The following PTPRK variants were observed in gnomAD, a reference collection of about 807,000 sequenced individuals.
The protein encoded by PTPRK is receptor-type tyrosine-protein phosphatase kappa.
PTPRK carries 75 observed loss-of-function variants against 178.0 expected under a neutral mutation model. The observed-to-expected ratio is 0.42, with a 90% CI of 0.35 to 0.51. The LOEUF is 0.51. Among genes scored for constraint, PTPRK ranks in the 20% least tolerant of loss-of-function variants. The pLI is 0.02. For synonymous variants in PTPRK, 637 were observed against 620.6 expected (o/e 1.03, Z -0.39); for missense variants, 1,441 against 1,797.8 (o/e 0.80, Z 3.59).
At chr6:128,081,312 CTTTAA>C (rs1054350607) in intron 10 of PTPRK, among the ~76,000 whole-genome samples, 1 of 151,836 alleles carries the variant, frequency 6.6e-6, no homozygotes, top group African/African-American at 2.4e-5. Flanking sequence ...ATGGATGATA[CTTTAA>C]TTTTTTATTG....
At chr6:127,991,531 T>G (rs1220799559) in intron 19 of PTPRK, 140 bp from the exon 20 acceptor site, 2 of 507,538 alleles carry the variant, frequency 3.9e-6, no homozygotes, top group African/African-American at 4.0e-5. Context: ...ATACTTAAAT[T>G]CAGTTCATAT....
intron 1 of PTPRK, among the ~76,000 whole-genome samples, chr6:128,398,814 T>G (rs1840669959): frequency 6.6e-6 from 1 of 152,198 alleles, no homozygotes; most frequent in East Asian, 1.9e-4. Context: ...AATAACTTGG[T>G]CTTTTTAAAC....
intron 1 of PTPRK, among the ~76,000 whole-genome samples, chr6:128,513,493 AAAAGAAAGAAAG>A (rs562818808): frequency 6.7e-6 from 1 of 150,244 alleles, no homozygotes; most frequent in Non-Finnish European, 1.5e-5. Context: ...CAAAAAAAAA[AAAAGAAAGAAAG>A]AAAGAAAGAA....
At chr6:128,260,385 G>A (rs771612413) in intron 3 of PTPRK, among the ~76,000 whole-genome samples, 22 of 152,040 alleles carry the variant, frequency 1.4e-4, no homozygotes, top group Admixed American at 1.4e-3. Flanking sequence ...AAAAGATGAC[G>A]GCATTAACCC....
intron 6 of PTPRK, among the ~76,000 whole-genome samples, chr6:128,206,997 C>T (rs1325252520): frequency 6.6e-6 from 1 of 152,140 alleles, no homozygotes; most frequent in African/African-American, 2.4e-5. Flanking sequence ...ATGCTACTTG[C>T]TTCCTTCACA....
intron 1 of PTPRK, among the ~76,000 whole-genome samples, chr6:128,512,729 A>C (rs1324424671): frequency 6.6e-6 from 1 of 152,210 alleles, no homozygotes; most frequent in Non-Finnish European, 1.5e-5. Context: ...CTCTTGAGAA[A>C]ACTGACAAGA....
chr6:128,185,891 G>A (rs907990748), intron 6 of PTPRK, among the ~76,000 whole-genome samples: 1 of 152,072 alleles, frequency 6.6e-6, no homozygotes, highest in African/African-American at 2.4e-5. Context: ...CTGTAGACAG[G>A]TTTTACCTTC....
chr6:128,509,019 C>A (rs145243081), intron 1 of PTPRK, among the ~76,000 whole-genome samples: 20 of 152,028 alleles, frequency 1.3e-4, no homozygotes, highest in African/African-American at 4.6e-4. Flanking sequence ...AAATTACACA[C>A]CCTTCTGAGT....
chr6:128,165,947 T>A (rs900153175), intron 7 of PTPRK, among the ~76,000 whole-genome samples: 3 of 151,660 alleles, frequency 2.0e-5, no homozygotes, highest in African/African-American at 2.4e-5. Flanking sequence ...ATCAAAATTC[T>A]GCATGACAGA....
chr6:128,033,454 G>C (rs898938627), intron 13 of PTPRK, among the ~76,000 whole-genome samples: 1 of 152,198 alleles, frequency 6.6e-6, no homozygotes, highest in African/African-American at 2.4e-5. Context: ...GAGGATTTTA[G>C]AACAGCATAT....
chr6:128,101,897 G>C (rs1448333696), intron 7 of PTPRK, among the ~76,000 whole-genome samples: 1 of 152,088 alleles, frequency 6.6e-6, no homozygotes, highest in Non-Finnish European at 1.5e-5. Flanking sequence ...ATGTAGAGTT[G>C]GAATATACTA....
At chr6:127,993,855 G>A (rs991238792) in intron 18 of PTPRK, among the ~76,000 whole-genome samples, 1 of 151,556 alleles carries the variant, frequency 6.6e-6, no homozygotes, top group African/African-American at 2.4e-5. Context: ...ATACACTGGG[G>A]TCTTAACAGA....
intron 7 of PTPRK, among the ~76,000 whole-genome samples, chr6:128,177,922 T>C (rs1801323247): frequency 6.6e-6 from 1 of 151,824 alleles, no homozygotes; most frequent in African/African-American, 2.4e-5. Flanking sequence ...TGATGATATA[T>C]ATTAGAATAT....
chr6:128,007,905 T>G, intron 14 of PTPRK: 1 of 471,268 alleles, frequency 2.1e-6, no homozygotes, highest in South Asian at 1.8e-5. Flanking sequence ...TACTGGCAAA[T>G]TTTTATTGCT....
intron 1 of PTPRK, among the ~76,000 whole-genome samples, chr6:128,478,217 A>G (rs1015838020): frequency 6.6e-6 from 1 of 152,126 alleles, no homozygotes; most frequent in African/African-American, 2.4e-5. Flanking sequence ...GGACTCCTTC[A>G]TGCCTTACTT....
chr6:128,314,259 CT>C (rs1827685256), intron 3 of PTPRK, among the ~76,000 whole-genome samples: 1 of 152,092 alleles, frequency 6.6e-6, no homozygotes, highest in Non-Finnish European at 1.5e-5. Flanking sequence ...ATTTATTTAT[CT>C]GGATTTTCTC....
At chr6:128,204,298 A>G (rs1806520296) in intron 6 of PTPRK, among the ~76,000 whole-genome samples, 1 of 152,218 alleles carries the variant, frequency 6.6e-6, no homozygotes, top group Non-Finnish European at 1.5e-5. Flanking sequence ...ACTTAAATGT[A>G]AAACTCAAAA....
At chr6:128,127,204 T>C (rs1793520574) in intron 7 of PTPRK, among the ~76,000 whole-genome samples, 1 of 152,218 alleles carries the variant, frequency 6.6e-6, no homozygotes, top group Admixed American at 6.5e-5. Context: ...CAGTTATTCC[T>C]GAAATTGGTT....
chr6:128,323,750 T>C (rs1457106958), intron 2 of PTPRK, among the ~76,000 whole-genome samples: 1 of 152,180 alleles, frequency 6.6e-6, no homozygotes, highest in African/African-American at 2.4e-5. Flanking sequence ...AAGTACAGAA[T>C]AAACAGATCA....
Sources: gnomAD v4.1 joint callset for allele counts (sites outside exome capture counted in the v4.1 genomes callset) on GRCh38, gnomAD v4.1.1 for gene constraint, MANE v1.5 for transcripts, NCBI Gene and HGNC (gene_info 2026-07-23, HGNC 2026-07-21) for gene names.